PIP5K1B: variants seen among roughly 807,000 people sequenced by gnomAD.
PIP5K1B encodes phosphatidylinositol-4-phosphate 5-kinase type 1 beta.
Under a neutral mutation model 67.0 loss-of-function variants are expected in PIP5K1B, and 42 were observed. That is an observed-to-expected ratio of 0.63 (90% confidence interval 0.49 to 0.81). The LOEUF (loss-of-function observed/expected upper bound fraction) is 0.81, where lower values mean the gene tolerates loss of function less well. Among genes scored for constraint, PIP5K1B ranks in the 30% least tolerant of loss-of-function variants. The probability of loss-of-function intolerance (pLI) is 0.00; values close to 1 mark genes in which losing one functional copy is unlikely to be tolerated. For synonymous variants in PIP5K1B, 214 were observed against 231.4 expected (o/e 0.92, Z 0.68); for missense variants, 459 against 646.3 (o/e 0.71, Z 3.14).
chr9:68,758,984 A>G (rs1395249318), intron 2 of PIP5K1B, among the ~76,000 whole-genome samples: 1 of 152,164 alleles, frequency 6.6e-6, no homozygotes, highest in Non-Finnish European at 1.5e-5. Flanking sequence ...TCAGAGTTCT[A>G]TATTCAGCAA....
chr9:68,741,741 A>T (rs1395419370), intron 1 of PIP5K1B: 1 of 151,664 alleles, frequency 6.6e-6, no homozygotes, highest in African/African-American at 2.4e-5. Context: ...TCCACGCCTC[A>T]CCTCTTCCTC....
intron 4 of PIP5K1B, among the ~76,000 whole-genome samples, chr9:68,849,807 G>A (rs1188755193): frequency 3.9e-5 from 6 of 152,194 alleles, no homozygotes; most frequent in African/African-American, 1.4e-4. Context: ...TTTACTTTCT[G>A]TAGTTAAGAG....
At chr9:68,857,590 G>A (rs1313529911) in intron 4 of PIP5K1B, among the ~76,000 whole-genome samples, 1 of 152,208 alleles carries the variant, frequency 6.6e-6, no homozygotes, top group Non-Finnish European at 1.5e-5. Flanking sequence ...CGTGGACCAG[G>A]TGTGGCGGCT....
At chr9:68,857,260 T>C (rs1332990661) in intron 4 of PIP5K1B, among the ~76,000 whole-genome samples, 2 of 152,226 alleles carry the variant, frequency 1.3e-5, no homozygotes, top group African/African-American at 2.4e-5. Flanking sequence ...TAATTTATTA[T>C]AGAAGCAACA....
At chr9:68,818,409 A>C (rs1245765121) in intron 2 of PIP5K1B, 52 bp from the exon 3 acceptor site, 1 of 152,124 alleles carries the variant, frequency 6.6e-6, no homozygotes, top group Admixed American at 6.6e-5. Context: ...CTTTTTTGGG[A>C]GATGTAGTAG....
rs547890398 is a variant in PIP5K1B at position 68,778,777 on chromosome 9, CT to C, written c.-86+36122del. Among the ~76,000 whole-genome samples the C allele has an allele frequency of 1.0e-3, 156 of 152,340 alleles. 1 individual carries two copies. The highest frequency in any genetic ancestry group is 3.5e-3 in the African/African-American group (147 of 41,574). On this transcript the variant is annotated intron_variant, in intron 2 of 15. Coordinates refer to ENST00000265382, the MANE Select transcript of PIP5K1B (RefSeq NM_003558.4). ...ATCATATTCAGAATGAGATCCAACT[CT>C]TACCCTCTCCTAACACTCCCGCTCT...
chr9:68,974,647 C>T (rs895538478), intron 14 of PIP5K1B, among the ~76,000 whole-genome samples: 2 of 152,160 alleles, frequency 1.3e-5, no homozygotes, highest in Non-Finnish European at 2.9e-5. Context: ...ACTTGTAATT[C>T]GTTTGGTGTC....
intron 2 of PIP5K1B, chr9:68,788,377 C>A: frequency 1.1e-6 from 1 of 891,700 alleles, no homozygotes. Context: ...GTACTTTTCT[C>A]CATACATATC....
At chr9:68,746,001 T>C (rs572986360) in intron 2 of PIP5K1B, among the ~76,000 whole-genome samples, 5 of 152,130 alleles carry the variant, frequency 3.3e-5, no homozygotes, top group African/African-American at 1.2e-4. Context: ...AATAAATGAA[T>C]GAAAGCATGA....
intron 8 of PIP5K1B, among the ~76,000 whole-genome samples, chr9:68,904,593 G>A (rs1429738908): frequency 6.6e-6 from 1 of 152,170 alleles, no homozygotes; most frequent in African/African-American, 2.4e-5. Flanking sequence ...TAAAAGCGAG[G>A]CTTCCTTCTG....
At chr9:68,854,088 A>C (rs1320554264) in intron 4 of PIP5K1B, among the ~76,000 whole-genome samples, 2 of 149,940 alleles carry the variant, frequency 1.3e-5, no homozygotes, top group Non-Finnish European at 3.0e-5. Context: ...TCTAGATGAG[A>C]CCATTTTTAC....
intron 2 of PIP5K1B, among the ~76,000 whole-genome samples, chr9:68,760,164 A>G (rs2132385408): frequency 6.6e-6 from 1 of 152,110 alleles, no homozygotes; most frequent in East Asian, 1.9e-4. Context: ...TCTGTGGCAC[A>G]GTTCATGTAA....
chr9:69,002,028 G>A (rs536437703), intron 15 of PIP5K1B, among the ~76,000 whole-genome samples: 2 of 152,216 alleles, frequency 1.3e-5, no homozygotes, highest in African/African-American at 2.4e-5. Flanking sequence ...TGTCAGCTGC[G>A]TCTTGGGTCT....
intron 14 of PIP5K1B, among the ~76,000 whole-genome samples, chr9:68,973,582 A>C (rs995294187): frequency 1.3e-5 from 2 of 152,262 alleles, no homozygotes; most frequent in Admixed American, 6.5e-5. Context: ...ACAAGAAGTC[A>C]GGTCTATAAA....
chr9:68,827,375 C>T (rs756313013), intron 4 of PIP5K1B, among the ~76,000 whole-genome samples: 3 of 152,244 alleles, frequency 2.0e-5, no homozygotes, highest in Non-Finnish European at 4.4e-5. Context: ...GCGGTAGCCA[C>T]AAGCTATGTG....
intron 2 of PIP5K1B, among the ~76,000 whole-genome samples, chr9:68,794,829 T>A (rs1194825617): frequency 1.3e-5 from 2 of 152,172 alleles, no homozygotes; most frequent in Admixed American, 1.3e-4. Context: ...ACAAACAATA[T>A]TTTCCTCACT....
At chr9:68,796,068 T>G (rs1415359964) in intron 2 of PIP5K1B, among the ~76,000 whole-genome samples, 2 of 152,228 alleles carry the variant, frequency 1.3e-5, no homozygotes, top group Non-Finnish European at 2.9e-5. Flanking sequence ...TTGTTTGCAC[T>G]TCATGTATAT....
chr9:68,877,116 T>G (rs1035303769), intron 6 of PIP5K1B, among the ~76,000 whole-genome samples: 2 of 152,242 alleles, frequency 1.3e-5, no homozygotes, highest in African/African-American at 4.8e-5. Context: ...TAGATTCTAT[T>G]TGAAAGCCTT....
At chr9:68,993,387 A>C (rs765947181) in intron 15 of PIP5K1B, among the ~76,000 whole-genome samples, 6 of 152,094 alleles carry the variant, frequency 3.9e-5, no homozygotes, top group Non-Finnish European at 8.8e-5. Flanking sequence ...CACTTCCTTC[A>C]GGTCTCAGCC....
Sources: gnomAD v4.1 joint callset for allele counts (sites outside exome capture counted in the v4.1 genomes callset) on GRCh38, gnomAD v4.1.1 for gene constraint, MANE v1.5 for transcripts, NCBI Gene and HGNC (gene_info 2026-07-23, HGNC 2026-07-21) for gene names.